The following CERS6 variants were observed in gnomAD, a reference collection of about 807,000 sequenced individuals.
The protein encoded by CERS6 is LAG1 homolog, ceramide synthase 6.
CERS6 carries 26 observed loss-of-function variants against 56.8 expected under a neutral mutation model. The ratio of observed to expected loss-of-function variants is 0.46; its 90% CI spans 0.34 to 0.63. The LOEUF (loss-of-function observed/expected upper bound fraction) is 0.63. Among genes scored for constraint, CERS6 ranks in the 30% least tolerant of loss-of-function variants. The pLI, the probability that CERS6 is intolerant of heterozygous loss-of-function variation, is 0.01. For missense variants in CERS6, 415 were observed against 467.5 expected, an observed-to-expected ratio of 0.89 and a Z score of 1.04; for synonymous variants, 164 against 173.3, an observed-to-expected ratio of 0.95 and a Z score of 0.42.
intron 3 of CERS6, among the ~76,000 whole-genome samples, chr2:168,610,448 C>T (rs1014592735): frequency 9.2e-5 from 14 of 152,194 alleles, no homozygotes; most frequent in Non-Finnish European, 1.6e-4. Flanking sequence ...ACTAAATCCT[C>T]GGTATATCTT....
chr2:168,456,496 G>A lies in CERS6; in HGVS notation c.48G>A (p.Pro16=), dbSNP rs1162745344. 3.1e-6 allele frequency: 5 copies of A among 1,613,904 alleles called. No individual in the cohort carries two copies. In the South Asian group the frequency reaches 5.5e-5, roughly 18 times the overall value. ...TCTGGAACGAGAGGTTTTGGCTCCC[G>A]CACAATGTCACCTGGGCGGACCTGA... is the stretch of plus-strand genomic sequence containing the variant. The part of the protein sequence containing the change: ...AWFWNERFWL[P]HNVTWADLKN... Residue 16 remains proline (P), a synonymous_variant, in exon 1 of 10, where the codon CCG becomes CCA. Coordinates refer to ENST00000305747, the MANE Select transcript of CERS6 (RefSeq NM_203463.3). The surrounding 1 kb of genome is among the most constrained non-coding windows in gnomAD (Gnocchi z 4.1).
chr2:168,579,592 A>C (rs575594978), intron 3 of CERS6, among the ~76,000 whole-genome samples: 2 of 152,214 alleles, frequency 1.3e-5, no homozygotes, highest in East Asian at 3.9e-4. Flanking sequence ...ATTTCTTTGA[A>C]GTCTAGCTTA....
intron 8 of CERS6, among the ~76,000 whole-genome samples, chr2:168,744,142 A>C (rs1574212833): frequency 6.6e-6 from 1 of 150,634 alleles, no homozygotes; most frequent in East Asian, 2.0e-4. Flanking sequence ...AGTAGCTGGG[A>C]CTACAGGCAC....
At chr2:168,752,636 T>C (rs1684307264) in intron 8 of CERS6, among the ~76,000 whole-genome samples, 1 of 152,146 alleles carries the variant, frequency 6.6e-6, no homozygotes, top group Non-Finnish European at 1.5e-5. Flanking sequence ...AGCTACAGTA[T>C]ACCTAAACTG....
chr2:168,735,897 AAG>A (rs1491581267), intron 8 of CERS6, among the ~76,000 whole-genome samples: 14 of 148,076 alleles, frequency 9.5e-5, no homozygotes, highest in South Asian at 2.2e-4. Context: ...AAAAAAAAAA[AAG>A]AAAGAAAGAA....
intron 1 of CERS6, among the ~76,000 whole-genome samples, chr2:168,460,583 T>C (rs547856607): frequency 3.4e-4 from 51 of 152,198 alleles, no homozygotes; most frequent in Non-Finnish European, 6.9e-4. Context: ...AAAAGAATCA[T>C]TTGGGCTGTT....
intron 1 of CERS6, among the ~76,000 whole-genome samples, chr2:168,521,124 C>T (rs112744432): frequency 3.9e-5 from 6 of 152,214 alleles, no homozygotes; most frequent in African/African-American, 1.4e-4. Flanking sequence ...GAGAATAAAT[C>T]TGAGCTGATA....
At chr2:168,659,271 T>G (rs1351598164) in intron 4 of CERS6, among the ~76,000 whole-genome samples, 1 of 152,206 alleles carries the variant, frequency 6.6e-6, no homozygotes, top group African/African-American at 2.4e-5. Flanking sequence ...TAAGTTAAAG[T>G]TATTAATGCA....
chr2:168,611,936 T>C (rs780559633), intron 3 of CERS6, among the ~76,000 whole-genome samples: 1 of 152,204 alleles, frequency 6.6e-6, no homozygotes, highest in Admixed American at 6.5e-5. Context: ...TAGAGTCATA[T>C]TGTAGTTGGT....
At chr2:168,493,348 T>G (rs1024144548) in intron 1 of CERS6, among the ~76,000 whole-genome samples, 4 of 152,180 alleles carry the variant, frequency 2.6e-5, no homozygotes, top group Non-Finnish European at 4.4e-5. Flanking sequence ...TGTATGTTTA[T>G]TCTTCTGCCT....
intron 1 of CERS6, among the ~76,000 whole-genome samples, chr2:168,498,913 TC>T (rs958388729): frequency 6.6e-6 from 1 of 151,762 alleles, no homozygotes; most frequent in Non-Finnish European, 1.5e-5. Flanking sequence ...GTGTCTGACT[TC>T]CCCCCCACAT....
chr2:168,592,048 T>A (rs112374449), intron 3 of CERS6, among the ~76,000 whole-genome samples: 8 of 152,322 alleles, frequency 5.3e-5, no homozygotes, highest in African/African-American at 1.9e-4. Context: ...AAGAATTGCA[T>A]ATAAGACAAT....
At chr2:168,747,457 T>C (rs1244526593) in intron 8 of CERS6, among the ~76,000 whole-genome samples, 1 of 152,196 alleles carries the variant, frequency 6.6e-6, no homozygotes, top group East Asian at 1.9e-4. Flanking sequence ...GAGAAAGCAT[T>C]CTTGAACTTA....
chr2:168,727,115 C>T (rs1176090478), intron 8 of CERS6, among the ~76,000 whole-genome samples: 3 of 152,188 alleles, frequency 2.0e-5, no homozygotes, highest in African/African-American at 7.2e-5. Flanking sequence ...GGGTTAGAGT[C>T]AAATACGTAC....
rs1047532273 is a variant in CERS6 at position 168,547,650 on chromosome 2, A to G, written c.225A>G (p.Gln75=). 13 of 1,614,074 alleles carry G rather than the reference A, an allele frequency of 8.1e-6. No homozygotes were observed. Among genetic ancestry groups the G allele is most frequent in the East Asian group, 2.2e-5 (1 of 44,890 alleles). The change falls in exon 2 of 10, where the codon CAA becomes CAG. Residue 75 remains glutamine (Q), a synonymous_variant. Coordinates refer to ENST00000305747, the MANE Select transcript of CERS6 (RefSeq NM_203463.3). The part of the protein sequence containing the change: ...IALNIQANGP[Q]IAPPNAILEK... ...TCAACATTCAGGCCAATGGACCACAAATTGCTCCGCCCAATGCCATTCTGG... is the reference window on the plus strand; with the variant it reads ...TCAACATTCAGGCCAATGGACCACAGATTGCTCCGCCCAATGCCATTCTGG...
intron 1 of CERS6, among the ~76,000 whole-genome samples, chr2:168,467,163 T>G (rs2105321625): frequency 6.6e-6 from 1 of 152,204 alleles, no homozygotes; most frequent in East Asian, 1.9e-4. Flanking sequence ...CAGCATAGAG[T>G]TAAGAGTGGG....
chr2:168,724,915 G>T (rs879362543), intron 8 of CERS6, among the ~76,000 whole-genome samples: 1 of 152,240 alleles, frequency 6.6e-6, no homozygotes, highest in African/African-American at 2.4e-5. Context: ...CAGCCCTTGG[G>T]TGGTCGATGG....
At chr2:168,695,892 T>C (rs1417257531) in intron 6 of CERS6, among the ~76,000 whole-genome samples, 2 of 152,172 alleles carry the variant, frequency 1.3e-5, no homozygotes, top group Middle Eastern at 3.2e-3. Context: ...TAGTACTGGT[T>C]GAACATCCCT....
intron 1 of CERS6, among the ~76,000 whole-genome samples, chr2:168,466,922 A>G (rs1450758804): frequency 6.6e-6 from 1 of 152,096 alleles, no homozygotes; most frequent in East Asian, 1.9e-4. Context: ...TTTGTTTGTA[A>G]CTCGCCATTG....
Sources: gnomAD v4.1 joint callset for allele counts (sites outside exome capture counted in the v4.1 genomes callset) on GRCh38, gnomAD v4.1.1 for gene constraint, Gnocchi (gnomAD v3.1) non-coding constraint, MANE v1.5 for transcripts, NCBI Gene and HGNC (gene_info 2026-07-23, HGNC 2026-07-21) for gene names.